CAMK4: variants seen among roughly 807,000 people sequenced by gnomAD.
CAMK4 encodes the protein calcium/calmodulin-dependent protein kinase type IV.
Under a neutral mutation model 44.9 loss-of-function variants are expected in CAMK4, and 22 were observed. The observed-to-expected ratio is 0.49, with a 90% confidence interval of 0.35 to 0.70. The LOEUF is 0.70. Among genes scored for constraint, CAMK4 ranks in the 30% least tolerant of loss-of-function variants. The probability of loss-of-function intolerance (pLI) is 0.01; values close to 1 mark genes in which losing one functional copy is unlikely to be tolerated. For missense variants in CAMK4, 498 were observed against 586.8 expected (o/e 0.85, Z 1.56); for synonymous variants, 218 against 215.4 (o/e 1.01, Z -0.11).
At chr5:111,315,865 T>G (rs1226668016) in intron 1 of CAMK4, among the ~76,000 whole-genome samples, 1 of 152,128 alleles carries the variant, frequency 6.6e-6, no homozygotes, top group Non-Finnish European at 1.5e-5. Context: ...AGGGCTGCAA[T>G]GCCATAGCCA....
chr5:111,456,713 G>C (rs1289111930), intron 7 of CAMK4, among the ~76,000 whole-genome samples: 1 of 151,800 alleles, frequency 6.6e-6, no homozygotes, highest in African/African-American at 2.4e-5. Flanking sequence ...AAAGACTACT[G>C]GTTTTCCAAA....
chr5:111,236,435 A>G (rs937681903), intron 1 of CAMK4, among the ~76,000 whole-genome samples: 1 of 152,274 alleles, frequency 6.6e-6, no homozygotes, highest in African/African-American at 2.4e-5. Context: ...GCACCAATTC[A>G]CAAGGATGAG....
At chr5:111,475,822 C>G (rs1042613658) in intron 8 of CAMK4, among the ~76,000 whole-genome samples, 2 of 152,152 alleles carry the variant, frequency 1.3e-5, no homozygotes, top group African/African-American at 4.8e-5. Context: ...ATCTCTGTAT[C>G]TTCTTTATTA....
intron 1 of CAMK4, among the ~76,000 whole-genome samples, chr5:111,259,786 C>G (rs1042021247): frequency 7.2e-5 from 11 of 152,060 alleles, no homozygotes; most frequent in African/African-American, 2.7e-4. Context: ...TTTCCTGTGA[C>G]TCATTTAAGA....
In CAMK4 at chr5:111,493,362, A is replaced by G. The variant is rs1230736166; in HGVS notation, c.*8896A>G. 1 of 152,214 alleles carries G rather than the reference A, an allele frequency of 6.6e-6. No individual in the cohort carries two copies. Among genetic ancestry groups the G allele is most frequent in the Admixed American group, 6.5e-5 (1 of 15,282 alleles). 9.4% of individuals were successfully genotyped at this position (152,214 alleles called of 1,614,324 possible). A position where few individuals can be genotyped will look rare whatever the true frequency, so the allele number is the denominator to read the frequency against. The stretch of plus-strand genomic sequence containing the variant: ...CTGACAAAACAGAGTAAATGATAGT[A>G]TGACAGATAATTTCAAGTTTTCCAA... On this transcript the variant is annotated 3_prime_UTR_variant, in exon 11 of 11. Transcript: ENST00000282356. This position sits in a 1 kb window ranked among gnomAD's most constrained non-coding sequence, Gnocchi z 4.1.
chr5:111,294,124 C>A (rs1331757287), intron 1 of CAMK4, among the ~76,000 whole-genome samples: 1 of 152,164 alleles, frequency 6.6e-6, no homozygotes, highest in South Asian at 2.1e-4. Context: ...TTTATTCACT[C>A]ACCCATTCAT....
At chr5:111,330,579 C>T (rs1749124407) in intron 1 of CAMK4, among the ~76,000 whole-genome samples, 1 of 151,444 alleles carries the variant, frequency 6.6e-6, no homozygotes, top group Admixed American at 6.6e-5. Context: ...CAGAATACCC[C>T]AAGTTATAAT....
At chr5:111,368,991 G>A (rs2112811206) in intron 2 of CAMK4, among the ~76,000 whole-genome samples, 1 of 149,576 alleles carries the variant, frequency 6.7e-6, no homozygotes, top group African/African-American at 2.4e-5. Context: ...TAAATTTTTT[G>A]GAGTACTGAC....
chr5:111,379,356 T>C (rs1274332091), intron 4 of CAMK4, among the ~76,000 whole-genome samples: 1 of 152,188 alleles, frequency 6.6e-6, no homozygotes. Context: ...GTAAATGCTA[T>C]TGATAAATTT....
At chr5:111,399,065 A>G (rs1398082087) in intron 5 of CAMK4, among the ~76,000 whole-genome samples, 1 of 152,174 alleles carries the variant, frequency 6.6e-6, no homozygotes, top group African/African-American at 2.4e-5. Context: ...TTATAGCAGC[A>G]GTGGCATCAC....
chr5:111,356,613 C>A (rs1357710110), intron 2 of CAMK4, among the ~76,000 whole-genome samples: 1 of 152,202 alleles, frequency 6.6e-6, no homozygotes, highest in Non-Finnish European at 1.5e-5. Flanking sequence ...CCTAGGTTTT[C>A]TTCTAGGGTT....
At chr5:111,404,753 G>T (rs1168676223) in intron 5 of CAMK4, among the ~76,000 whole-genome samples, 6 of 152,168 alleles carry the variant, frequency 3.9e-5, no homozygotes, top group Non-Finnish European at 8.8e-5. Flanking sequence ...TCATAACCAA[G>T]AACTCCATTG....
chr5:111,394,698 T>C lies in CAMK4; in HGVS notation c.387-12T>C, dbSNP rs760320467. On this transcript the variant is annotated splice_polypyrimidine_tract_variant and intron_variant, in intron 4 of 10. Coordinates refer to ENST00000282356, the MANE Select transcript of CAMK4 (RefSeq NM_001744.6). ...ATGTGCCTGAGAAGCATTTCCTTTC[T>C]TTTTGTTCCAGGATTGTGGAAAAGG... is the stretch of plus-strand genomic sequence containing the variant. 4.4e-6 allele frequency: 7 copies of C among 1,599,472 alleles called. No homozygotes were observed. The Admixed American group carries it at 1.2e-4, about 27-fold the overall frequency.
At chr5:111,362,211 T>G (rs574089993) in intron 2 of CAMK4, among the ~76,000 whole-genome samples, 44 of 152,032 alleles carry the variant, frequency 2.9e-4, no homozygotes, top group Non-Finnish European at 5.3e-4. Context: ...TCATATAGAT[T>G]AAGGGACTTG....
intron 1 of CAMK4, among the ~76,000 whole-genome samples, chr5:111,255,410 C>A (rs574250865): frequency 1.3e-4 from 20 of 152,122 alleles, no homozygotes; most frequent in Non-Finnish European, 2.5e-4. Flanking sequence ...TGGATTCATG[C>A]CCAGCAAGTT....
chr5:111,419,517 C>T (rs1420619250), intron 5 of CAMK4, among the ~76,000 whole-genome samples: 13 of 152,100 alleles, frequency 8.5e-5, no homozygotes, highest in African/African-American at 3.1e-4. Context: ...AAGTCCTTGC[C>T]CGTGCCTATG....
intron 8 of CAMK4, 88 bp from the exon 9 acceptor site, chr5:111,478,293 A>G: frequency 1.3e-6 from 1 of 781,106 alleles, no homozygotes; most frequent in East Asian, 2.8e-5. Flanking sequence ...AAGCAGTGAA[A>G]AAGAACAGTC....
chr5:111,330,458 A>G (rs1246219909), intron 1 of CAMK4, among the ~76,000 whole-genome samples: 1 of 149,688 alleles, frequency 6.7e-6, no homozygotes, highest in Non-Finnish European at 1.5e-5. Context: ...AAATCCTAGC[A>G]GGATCTTTGT....
Position 111,491,434 on chromosome 5 carries a change from T to TG in CAMK4, c.*6968_*6969insG, listed in dbSNP as rs1259684920. 3 of 152,110 alleles carry TG rather than the reference T, an allele frequency of 2.0e-5. No homozygotes were observed. The highest frequency in any genetic ancestry group is 3.4e-3 in the Middle Eastern group (1 of 294). 9.4% of individuals were successfully genotyped at this position (152,110 alleles called of 1,614,324 possible). On this transcript the variant is annotated 3_prime_UTR_variant, in exon 11 of 11. Transcript: ENST00000282356. ...ACAGATTCCTATATTCCAGTTTGTT[T>TG]TTTTTTTTTTCTCCTTAGCTTAAGG...
Sources: allele counts gnomAD v4.1 joint callset (sites outside exome capture counted in the v4.1 genomes callset), GRCh38; gene constraint gnomAD v4.1.1; non-coding constraint Gnocchi (gnomAD v3.1); transcripts MANE v1.5; gene names NCBI Gene and HGNC (gene_info 2026-07-23, HGNC 2026-07-21).